The following NAE1 variants were observed in gnomAD, a reference collection of about 807,000 sequenced individuals.
The protein encoded by NAE1 is NEDD8-activating enzyme E1 regulatory subunit.
A neutral mutation model predicts 88.0 loss-of-function variants in NAE1; 59 were observed. The ratio of observed to expected loss-of-function variants is 0.67; its 90% CI spans 0.54 to 0.83. NAE1 has a LOEUF of 0.83. Among genes scored for constraint, NAE1 ranks in the 40% least tolerant of loss-of-function variants. The probability of loss-of-function intolerance (pLI) is 0.00; values close to 1 mark genes in which losing one functional copy is unlikely to be tolerated. For missense variants in NAE1, 554 were observed against 632.8 expected (o/e 0.88, Z 1.34); for synonymous variants, 186 against 208.9 (o/e 0.89, Z 0.95).
intron 19 of NAE1, among the ~76,000 whole-genome samples, chr16:66,804,100 T>C (rs1397544418): frequency 6.6e-6 from 1 of 151,994 alleles, no homozygotes; most frequent in Non-Finnish European, 1.5e-5. Context: ...GAGATATAAA[T>C]ACAAGAGAAG....
chr16:66,809,021 T>A lies in NAE1; in HGVS notation c.1205A>T (p.Tyr402Phe). 1 of 1,612,466 alleles carries A rather than the reference T, an allele frequency of 6.2e-7. No individual in the cohort carries two copies. Among genetic ancestry groups the A allele is most frequent in the Non-Finnish European group, 8.5e-7 (1 of 1,178,934 alleles). Residue 402 changes from tyrosine to phenylalanine, a missense_variant, in exon 16 of 20, where the codon TAT (tyrosine) becomes TTT (phenylalanine). Physicochemically the swap from Tyr to Phe is conservative, Grantham distance 22 (BLOSUM62 3). Transcript: ENST00000290810. ...VVRCRSLAEE[Y>F]GLDTINKDEI... is the part of the protein sequence containing the mutation. ...ATCCTTGTTAATTGTATCCAAACCA[T>A]ATTCTTCAGCTAAGGATCGACATCT...
At position 66,813,706 on chromosome 16, in the gene NAE1, A is replaced by G. The variant is rs754781190; in HGVS notation, c.901-9T>C. 2.5e-6 allele frequency: 4 copies of G among 1,611,034 alleles called. No individual in the cohort carries two copies. Among genetic ancestry groups the G allele is most frequent in the East Asian group, 4.5e-5 (2 of 44,800 alleles). ...ATCCAAAATGATGGAGTCTAAAAGA[A>G]TAAGAAAAAATTAACATTAAGTGGC... On this transcript the variant is annotated splice_polypyrimidine_tract_variant and intron_variant, in intron 12 of 19. Coordinates refer to ENST00000290810, the MANE Select transcript of NAE1 (RefSeq NM_003905.4).
intron 1 of NAE1, chr16:66,827,396 GTC>G (rs1297783426): frequency 6.6e-6 from 1 of 152,620 alleles, no homozygotes; most frequent in Non-Finnish European, 1.5e-5. Flanking sequence ...GTGAAACCCT[GTC>G]TCTACTAAAA....
chr16:66,813,824 A>G lies in NAE1; in HGVS notation c.863T>C (p.Ile288Thr), dbSNP rs371265589. 9.3e-6 allele frequency: 15 copies of G among 1,613,650 alleles called. No individual in the cohort carries two copies. The South Asian group carries it at 9.9e-5, about 11-fold the overall frequency. The change falls in exon 12 of 20, where the codon ATA (isoleucine) becomes ACA (threonine). Residue 288 changes from isoleucine (I) to threonine (T), a missense_variant. Physicochemically the swap from Ile to Thr is moderately conservative, Grantham distance 89. Transcript: ENST00000290810. ...TTQIPSSIED[I>T]FNDDRCINIT... ...ATTTATGCAGCGATCATCATTAAAT[A>G]TATCTTCAATACTGCTTGGGATCTA...
At chr16:66,810,674 GCA>G (rs778538975) in intron 14 of NAE1, 21 bp downstream of exon 14, 15 of 1,606,792 alleles carry the variant, frequency 9.3e-6, no homozygotes, top group African/African-American at 1.3e-5. Context: ...GCCTGTATGG[GCA>G]CAGTGTGCCC....
At chr16:66,823,740 T>A in intron 4 of NAE1, 140 bp from the exon 5 acceptor site, 1 of 691,400 alleles carries the variant, frequency 1.4e-6, no homozygotes, top group Non-Finnish European at 2.4e-6. Flanking sequence ...TCCCTTCTTT[T>A]TTCTTTTTAG....
intron 4 of NAE1, 72 bp from the exon 5 acceptor site, chr16:66,823,672 A>C: frequency 8.5e-7 from 1 of 1,175,680 alleles, no homozygotes. Flanking sequence ...AATTTATGGA[A>C]CAGGCAAACA....
At chr16:66,823,778 T>A (rs967606802) in intron 4 of NAE1, among the ~76,000 whole-genome samples, 178 bp from the exon 5 acceptor site, 1 of 152,224 alleles carries the variant, frequency 6.6e-6, no homozygotes, top group African/African-American at 2.4e-5. Context: ...GTTGCCCAGT[T>A]TGTAGCATAG....
Position 66,805,844 on chromosome 16 carries a change from G to A in NAE1, c.1446-18C>T, listed in dbSNP as rs1959541633. The A allele has an allele frequency of 6.4e-7, 1 of 1,568,132 alleles. No individual in the cohort carries two copies. Among genetic ancestry groups the A allele is most frequent in the Non-Finnish European group, 8.6e-7 (1 of 1,161,462 alleles). On this transcript the variant is annotated intron_variant, in intron 18 of 19. Transcript: ENST00000290810. ...ATCGGCAACTAAAGGAGACCACAGA[G>A]ACATGAATTTTGATTAGCCTTATGA...
In NAE1 at chr16:66,823,532, T is replaced by A; in HGVS notation, c.318A>T (p.Glu106Asp). The change falls in exon 5 of 20, where the codon GAA becomes GAT. Residue 106 changes from glutamate to aspartate, a missense_variant. Physicochemically the swap from Glu to Asp is conservative, Grantham distance 45. Coordinates refer to ENST00000290810, the MANE Select transcript of NAE1 (RefSeq NM_003905.4). ...AATAATGTGTGTACATATATACCTC[T>A]TCCACAAAACTTCCAGAGACATCGC... ...LNSDVSGSFV[E>D]ESPENLLDND... The A allele has an allele frequency of 6.2e-7, 1 of 1,611,038 alleles. No homozygotes were observed. Among genetic ancestry groups the A allele is most frequent in the East Asian group, 2.2e-5 (1 of 44,812 alleles).
At chr16:66,806,271 A>G (rs1475135229) in intron 17 of NAE1, 2 of 344,376 alleles carry the variant, frequency 5.8e-6, no homozygotes, top group Non-Finnish European at 1.0e-5. Context: ...TGTCTAGAAA[A>G]GCATCTGGCA....
intron 7 of NAE1, among the ~76,000 whole-genome samples, chr16:66,821,100 A>G (rs909126851): frequency 6.6e-6 from 1 of 152,120 alleles, no homozygotes; most frequent in Non-Finnish European, 1.5e-5. Context: ...GAGTGGGGAA[A>G]GGTGGTGTAA....
intron 11 of NAE1, among the ~76,000 whole-genome samples, chr16:66,814,828 T>G (rs572208573): frequency 6.6e-6 from 1 of 152,212 alleles, no homozygotes; most frequent in Non-Finnish European, 1.5e-5. Context: ...GCCTTTATGA[T>G]CTGGCCCTTT....
intron 17 of NAE1, among the ~76,000 whole-genome samples, chr16:66,808,310 T>C (rs1959654248): frequency 2.0e-5 from 3 of 151,962 alleles, no homozygotes; most frequent in African/African-American, 7.3e-5. Context: ...TCAACCAACA[T>C]CCCCCTGTAA....
chr16:66,808,718 G>A (rs999729085), intron 16 of NAE1, 105 bp from the exon 17 acceptor site: 3 of 850,370 alleles, frequency 3.5e-6, no homozygotes, highest in Non-Finnish European at 5.8e-6. Context: ...ATTAACTGGA[G>A]TCACACAATC....
At chr16:66,807,241 T>A (rs1480169603) in intron 17 of NAE1, among the ~76,000 whole-genome samples, 1 of 152,246 alleles carries the variant, frequency 6.6e-6, no homozygotes, top group African/African-American at 2.4e-5. Flanking sequence ...AAGTGGTTTG[T>A]TATGCAACAG....
In NAE1 at chr16:66,826,549, C is replaced by T; in HGVS notation, c.192G>A (p.Gln64=). 1 of 1,614,124 alleles carries T rather than the reference C, an allele frequency of 6.2e-7. No homozygotes were observed. The highest frequency in any genetic ancestry group is 8.5e-7 in the Non-Finnish European group (1 of 1,180,036). The change falls in exon 3 of 20, where the codon CAG becomes CAA. Residue 64 remains glutamine (Q), a synonymous_variant. Transcript: ENST00000290810. ...TGTTTCCAGCATCTTCTCCGCTGAC[C>T]TGATTTCCATCAATAATTGTAAACG... is the stretch of plus-strand genomic sequence containing the variant. ...IGSFTIIDGN[Q]VSGEDAGNNF...
chr16:66,807,256 C>T (rs1175481226), intron 17 of NAE1, among the ~76,000 whole-genome samples: 2 of 152,174 alleles, frequency 1.3e-5, no homozygotes, highest in African/African-American at 2.4e-5. Flanking sequence ...CAACAGATAA[C>T]TGAAATAAAT....
chr16:66,819,843 C>G (rs1960183100), intron 7 of NAE1, among the ~76,000 whole-genome samples: 1 of 151,826 alleles, frequency 6.6e-6, no homozygotes, highest in Non-Finnish European at 1.5e-5. Context: ...TAATGCTGAA[C>G]CTTCATTATT....
Sources: allele counts gnomAD v4.1 joint callset (sites outside exome capture counted in the v4.1 genomes callset), GRCh38; gene constraint gnomAD v4.1.1; transcripts MANE v1.5; gene names NCBI Gene and HGNC (gene_info 2026-07-23, HGNC 2026-07-21).